MAST4: variants seen among roughly 807,000 people sequenced by gnomAD.
The protein encoded by MAST4 is microtubule associated serine/threonine kinase family member 4, also known as microtubule-associated serine/threonine-protein kinase 4.
A neutral mutation model predicts 162.7 loss-of-function variants in MAST4; 89 were observed. The ratio of observed to expected loss-of-function variants is 0.55; its 90% CI spans 0.46 to 0.65. MAST4 has a LOEUF of 0.65. Among genes scored for constraint, MAST4 ranks in the 30% least tolerant of loss-of-function variants. MAST4 has a pLI of 0.00. For synonymous variants in MAST4, 1,479 were observed against 1,361.1 expected (o/e 1.09, Z -1.91); for missense variants, 3,153 against 3,374.0 (o/e 0.93, Z 1.62).
intron 4 of MAST4, among the ~76,000 whole-genome samples, chr5:66,975,126 A>G (rs1288860279): frequency 6.6e-6 from 1 of 152,194 alleles, no homozygotes; most frequent in Admixed American, 6.5e-5. Context: ...GATTTGGCCC[A>G]CAGAGAAGCC....
At position 67,168,745 on chromosome 5, in the gene MAST4, T is replaced by G. The variant is rs1230926845; in HGVS notation, c.*1694T>G. 5 of 152,182 alleles carry G rather than the reference T, an allele frequency of 3.3e-5. No individual in the cohort carries two copies. Among genetic ancestry groups the G allele is most frequent in the Non-Finnish European group, 5.9e-5 (4 of 68,038 alleles). 9.4% of individuals were successfully genotyped at this position (152,182 alleles called of 1,614,324 possible). On this transcript the variant is annotated 3_prime_UTR_variant, in exon 29 of 29. Coordinates refer to ENST00000403625, the MANE Select transcript of MAST4 (RefSeq NM_001164664.2). Reference sequence around the variant, plus strand: ...GTCTTAGTATCTTCACGCTATAAAATTGTTCATCTAAGCACAGCATCATCT... The same window carrying G: ...GTCTTAGTATCTTCACGCTATAAAAGTGTTCATCTAAGCACAGCATCATCT...
intron 12 of MAST4, among the ~76,000 whole-genome samples, chr5:67,118,387 G>A (rs557867142): frequency 3.9e-5 from 6 of 152,154 alleles, no homozygotes; most frequent in Non-Finnish European, 5.9e-5. Context: ...TTGACCCACC[G>A]AAGCCTTTCC....
intron 2 of MAST4, among the ~76,000 whole-genome samples, chr5:66,764,674 A>G (rs1405486625): frequency 6.6e-6 from 1 of 152,214 alleles, no homozygotes; most frequent in East Asian, 1.9e-4. Flanking sequence ...CTTATAGAAT[A>G]AGGATATAAA....
chr5:66,938,517 G>T (rs766082870), intron 4 of MAST4, among the ~76,000 whole-genome samples: 3 of 152,146 alleles, frequency 2.0e-5, no homozygotes, highest in Non-Finnish European at 4.4e-5. Context: ...TTCTATTCAT[G>T]AGTTTAAAGA....
Position 67,095,688 on chromosome 5 carries a change from C to CTTTTTT in MAST4, c.912+23_912+28dup. On this transcript the variant is annotated intron_variant, in intron 7 of 28. Transcript: ENST00000403625. ...CTCTACGGTCTCTGTAAGTGCCTGA[C>CTTTTTT]TTTTTTTTTTTTTTTCTCTTCCTCA... 4 of 1,309,424 alleles carry CTTTTTT rather than the reference C, an allele frequency of 3.1e-6. No individual in the cohort carries two copies. The highest frequency in any genetic ancestry group is 2.0e-6 in the Non-Finnish European group (2 of 976,184). The allele number at this position is 1,309,424 out of a possible 1,614,324, so 81.1% of individuals were successfully genotyped here. A position where few individuals can be genotyped will look rare whatever the true frequency, so the allele number is the denominator to read the frequency against.
chr5:66,810,368 G>A (rs189996048), intron 3 of MAST4, among the ~76,000 whole-genome samples: 149 of 152,284 alleles, frequency 9.8e-4, no homozygotes, highest in African/African-American at 3.5e-3. Context: ...GCTGATAGAC[G>A]TTCTGCTATC....
chr5:67,070,234 T>C (rs945115817), intron 5 of MAST4, among the ~76,000 whole-genome samples: 2 of 152,168 alleles, frequency 1.3e-5, no homozygotes, highest in Non-Finnish European at 2.9e-5. Flanking sequence ...TCTGGAGACA[T>C]AGGCGGACTT....
chr5:66,879,397 A>G (rs1184081236), intron 3 of MAST4, among the ~76,000 whole-genome samples: 1 of 151,786 alleles, frequency 6.6e-6, no homozygotes, highest in African/African-American at 2.4e-5. Flanking sequence ...CAAATTACCT[A>G]TTGGGTTGGC....
chr5:66,608,397 A>T (rs1219161823), intron 1 of MAST4, among the ~76,000 whole-genome samples: 2 of 130,964 alleles, frequency 1.5e-5, no homozygotes, highest in African/African-American at 6.1e-5. Context: ...GATGGCGAGA[A>T]CATTAAGGTC....
chr5:67,028,323 A>G (rs1419914664), intron 4 of MAST4, among the ~76,000 whole-genome samples: 1 of 152,170 alleles, frequency 6.6e-6, no homozygotes. Context: ...GTTGAGGAGC[A>G]ATTCCATTAG....
At chr5:66,716,235 GTTTCATTTTAAAA>G (rs1750828534) in intron 1 of MAST4, among the ~76,000 whole-genome samples, 1 of 152,052 alleles carries the variant, frequency 6.6e-6, no homozygotes, top group Non-Finnish European at 1.5e-5. Flanking sequence ...AATAAAAGCA[GTTTCATTTTAAAA>G]TTTCATTATT....
At chr5:66,738,736 C>T (rs1183790176) in intron 1 of MAST4, among the ~76,000 whole-genome samples, 4 of 152,182 alleles carry the variant, frequency 2.6e-5, no homozygotes, top group African/African-American at 4.8e-5. Flanking sequence ...TCTGCTTTCT[C>T]GGATCTTGAT....
At chr5:67,021,029 C>T (rs1464047933) in intron 4 of MAST4, among the ~76,000 whole-genome samples, 1 of 152,210 alleles carries the variant, frequency 6.6e-6, no homozygotes, top group Non-Finnish European at 1.5e-5. Context: ...CTAGGACAAT[C>T]CCTAGCAAAT....
chr5:66,667,059 T>C (rs1747309014), intron 1 of MAST4, among the ~76,000 whole-genome samples: 1 of 152,188 alleles, frequency 6.6e-6, no homozygotes, highest in Middle Eastern at 3.2e-3. Flanking sequence ...AACATCATGC[T>C]TTGGGCTAAG....
At chr5:67,153,029 T>C (rs1772036594) in intron 25 of MAST4, among the ~76,000 whole-genome samples, 163 bp downstream of exon 25, 1 of 152,282 alleles carries the variant, frequency 6.6e-6, no homozygotes, top group South Asian at 2.1e-4. Context: ...ATGGTGGAAT[T>C]GAATTTAGCA....
intron 2 of MAST4, among the ~76,000 whole-genome samples, chr5:66,773,903 C>T (rs1229610795): frequency 6.6e-6 from 1 of 152,246 alleles, no homozygotes; most frequent in African/African-American, 2.4e-5. Flanking sequence ...ATTAATGCTG[C>T]ACCCAATTCA....
chr5:66,688,279 A>G (rs931946782), intron 1 of MAST4, among the ~76,000 whole-genome samples: 6 of 152,352 alleles, frequency 3.9e-5, no homozygotes, highest in Admixed American at 2.6e-4. Flanking sequence ...GGATGCCTGC[A>G]GTGATTTGAC....
At chr5:66,845,126 T>TATATATATATACAC (rs1358855625) in intron 3 of MAST4, among the ~76,000 whole-genome samples, 66 of 67,150 alleles carry the variant, frequency 9.8e-4, no homozygotes, top group East Asian at 4.0e-3. Context: ...TATATATATA[T>TATATATATATACAC]ACACACACAC....
chr5:66,899,959 G>A lies in MAST4; in HGVS notation c.651G>A (p.Leu217=), dbSNP rs1243726169. The change falls in exon 4 of 29, where the codon CTG becomes CTA. Residue 217 remains leucine, a synonymous_variant. Transcript: ENST00000403625. The stretch of plus-strand genomic sequence containing the variant: ...TTTTTTTTCTTTTGCAGAAGGAGCT[G>A]AGTCTCCCCAGAAGAGGAAGTTTGT... ...APSLTASLKE[L]SLPRRGSFCR... The A allele has an allele frequency of 6.6e-7, 1 of 1,520,938 alleles. No individual in the cohort carries two copies. The highest frequency in any genetic ancestry group is 2.5e-5 in the East Asian group (1 of 39,864). The allele number at this position is 1,520,938 out of a possible 1,614,324, so 94.2% of individuals were successfully genotyped here. A position where few individuals can be genotyped will look rare whatever the true frequency, so the allele number is the denominator to read the frequency against.
Sources: gnomAD v4.1 joint callset for allele counts (sites outside exome capture counted in the v4.1 genomes callset) on GRCh38, gnomAD v4.1.1 for gene constraint, MANE v1.5 for transcripts, NCBI Gene and HGNC (gene_info 2026-07-23, HGNC 2026-07-21) for gene names.